PHTF1: variants seen among roughly 807,000 people sequenced by gnomAD.
PHTF1 encodes putative homeodomain transcription factor 1.
PHTF1 carries 88 observed loss-of-function variants against 102.4 expected under a neutral mutation model. The observed-to-expected ratio is 0.86, with a 90% CI of 0.72 to 1.03. The LOEUF (loss-of-function observed/expected upper bound fraction) is 1.03, where lower values mean the gene tolerates loss of function less well. PHTF1 is among the 50% of genes least tolerant of loss of function. The probability of loss-of-function intolerance (pLI) is 0.00; values close to 1 mark genes in which losing one functional copy is unlikely to be tolerated. For synonymous variants in PHTF1, 289 were observed against 305.2 expected (o/e 0.95, Z 0.55); for missense variants, 814 against 909.5 (o/e 0.89, Z 1.35).
At chr1:113,757,778 A>C (rs1272135458) in intron 2 of PHTF1, 23 bp from the exon 3 acceptor site, 6 of 1,507,044 alleles carry the variant, frequency 4.0e-6, no homozygotes, top group Non-Finnish European at 5.5e-6. Flanking sequence ...GTAGTCTATT[A>C]GTTAAACGAT....
chr1:113,705,680 CAT>C (rs757154326), intron 13 of PHTF1: 42 of 521,612 alleles, frequency 8.1e-5, no homozygotes, highest in Non-Finnish European at 1.4e-4. Flanking sequence ...TTATTCTACA[CAT>C]GAGGCCTGGC....
chr1:113,735,598 C>T (rs1180045468), intron 5 of PHTF1, among the ~76,000 whole-genome samples: 1 of 152,070 alleles, frequency 6.6e-6, no homozygotes, highest in African/African-American at 2.4e-5. Context: ...CTCTTACTGA[C>T]ACTAACTACA....
At chr1:113,734,814 T>C (rs528577581) in intron 5 of PHTF1, among the ~76,000 whole-genome samples, 1 of 152,222 alleles carries the variant, frequency 6.6e-6, no homozygotes, top group East Asian at 1.9e-4. Flanking sequence ...ATAAAATGAC[T>C]CCTAAGAGCT....
chr1:113,726,008 T>C, intron 6 of PHTF1: 1 of 158,496 alleles, frequency 6.3e-6, no homozygotes, highest in Non-Finnish European at 1.4e-5. Context: ...TAGAAATCAA[T>C]TCTTATTACA....
At chr1:113,737,512 G>A (rs1396569124) in intron 5 of PHTF1, among the ~76,000 whole-genome samples, 1 of 152,090 alleles carries the variant, frequency 6.6e-6, no homozygotes. Context: ...TAGAACCTAG[G>A]GTGCAAACTT....
At chr1:113,714,531 G>GA (rs1460999552) in intron 7 of PHTF1, 1 of 152,476 alleles carries the variant, frequency 6.6e-6, no homozygotes, top group Non-Finnish European at 1.5e-5. Context: ...TGGCCATGGG[G>GA]AGAGATTCCT....
intron 5 of PHTF1, among the ~76,000 whole-genome samples, chr1:113,731,747 A>T (rs1654681624): frequency 6.6e-6 from 1 of 151,394 alleles, no homozygotes; most frequent in African/African-American, 2.4e-5. Flanking sequence ...ATACAAAAAA[A>T]TTTGCCAGGC....
chr1:113,700,260 A>C lies in PHTF1; in HGVS notation c.2047-461T>G, dbSNP rs78449329. ...ATTACGATTCTAAGACAAAAAAAAA[A>C]CAGAAACGAATGATAAATGTTTTTA... On this transcript the variant is annotated intron_variant, in intron 16 of 18. Coordinates refer to ENST00000369604, the MANE Select transcript of PHTF1 (RefSeq NM_001323043.2). 458 of 629,638 alleles carry C rather than the reference A, an allele frequency of 7.3e-4. 8 individuals are homozygous for C. The East Asian group carries it at 0.043, about 58-fold the overall frequency. The allele number at this position is 629,638 out of a possible 1,614,324, so 39.0% of individuals were successfully genotyped here.
intron 3 of PHTF1, among the ~76,000 whole-genome samples, chr1:113,745,850 G>C (rs757015263): frequency 3.0e-4 from 46 of 152,174 alleles, no homozygotes; most frequent in Non-Finnish European, 6.5e-4. Flanking sequence ...CTTATGGTGA[G>C]CTGTACAATT....
intron 1 of PHTF1, 103 bp downstream of exon 1, chr1:113,758,920 A>C (rs1427847896): frequency 4.9e-6 from 6 of 1,235,594 alleles, no homozygotes; most frequent in Non-Finnish European, 6.1e-6. Context: ...AAGCCTCTGC[A>C]ATATATCGGG....
chr1:113,753,426 C>CT (rs35584973), intron 3 of PHTF1, among the ~76,000 whole-genome samples: 20 of 147,170 alleles, frequency 1.4e-4, no homozygotes, highest in East Asian at 4.0e-4. Flanking sequence ...TTAGGTTCTT[C>CT]TTTTTTTTTT....
chr1:113,736,395 C>T (rs1655500224), intron 5 of PHTF1, among the ~76,000 whole-genome samples: 1 of 148,884 alleles, frequency 6.7e-6, no homozygotes, highest in African/African-American at 2.5e-5. Flanking sequence ...ATGAAAGTTA[C>T]AACCCAGCTG....
At chr1:113,720,692 C>G (rs1406732199) in intron 7 of PHTF1, among the ~76,000 whole-genome samples, 1 of 152,188 alleles carries the variant, frequency 6.6e-6, no homozygotes, top group Non-Finnish European at 1.5e-5. Flanking sequence ...GTGGATCTAC[C>G]ATTCTGGGGT....
At chr1:113,704,240 C>T in intron 14 of PHTF1, 73 bp from the exon 15 acceptor site, 1 of 774,950 alleles carries the variant, frequency 1.3e-6, no homozygotes, top group South Asian at 1.7e-5. Context: ...TATTAACACT[C>T]TGAATTGTAC....
intron 7 of PHTF1, 31 bp downstream of exon 7, chr1:113,724,728 G>A (rs1049347743): frequency 1.3e-6 from 2 of 1,559,774 alleles, no homozygotes; most frequent in African/African-American, 2.8e-5. Flanking sequence ...AACACTACGT[G>A]AATACAAAAT....
At chr1:113,710,168 T>C (rs188597886) in intron 11 of PHTF1, 86 bp downstream of exon 11, 14 of 941,776 alleles carry the variant, frequency 1.5e-5, no homozygotes, top group East Asian at 7.6e-5. Flanking sequence ...TACAGGATGA[T>C]TGTAAAGTTA....
intron 7 of PHTF1, 78 bp downstream of exon 7, chr1:113,724,681 C>T: frequency 8.7e-7 from 1 of 1,147,220 alleles, no homozygotes; most frequent in Non-Finnish European, 1.2e-6. Flanking sequence ...GTCTATACTA[C>T]TTACTCCTAT....
In PHTF1 at chr1:113,727,837, C is replaced by T. The variant is rs528638475; in HGVS notation, c.332-1263G>A. Among the ~76,000 whole-genome samples, 6 of 152,092 alleles carry T rather than the reference C, an allele frequency of 3.9e-5. No homozygotes were observed. In the South Asian group the frequency reaches 1.2e-3, roughly 32 times the overall value. On this transcript the variant is annotated intron_variant, in intron 5 of 18. Transcript: ENST00000369604. ...AAAAAATTAGCCAAACATGGTGGCA[C>T]GCGCCTGTGGTCCCACTCCAAGCCT...
chr1:113,712,795 T>C (rs1651335895), intron 8 of PHTF1, among the ~76,000 whole-genome samples: 1 of 151,450 alleles, frequency 6.6e-6, no homozygotes, highest in Non-Finnish European at 1.5e-5. Flanking sequence ...TTTTTTTTTT[T>C]TTTTTTTTTG....
Sources: gnomAD v4.1 joint callset for allele counts (sites outside exome capture counted in the v4.1 genomes callset) on GRCh38, gnomAD v4.1.1 for gene constraint, MANE v1.5 for transcripts, NCBI Gene and HGNC (gene_info 2026-07-23, HGNC 2026-07-21) for gene names.